ZBTB8A: variants seen among roughly 807,000 people sequenced by gnomAD.
ZBTB8A encodes the protein zinc finger and BTB domain-containing protein 8A.
Under a neutral mutation model 37.8 loss-of-function variants are expected in ZBTB8A, and 19 were observed. The ratio of observed to expected loss-of-function variants is 0.50; its 90% confidence interval spans 0.35 to 0.74. The LOEUF (loss-of-function observed/expected upper bound fraction) is 0.74, where lower values mean the gene tolerates loss of function less well. ZBTB8A is among the 30% of genes least tolerant of loss of function. ZBTB8A has a pLI of 0.01. For synonymous variants in ZBTB8A, 181 were observed against 185.2 expected, an observed-to-expected ratio of 0.98 and a Z score of 0.19; for missense variants, 394 against 537.8, an observed-to-expected ratio of 0.73 and a Z score of 2.65.
rs1644583275 is a variant in ZBTB8A, at chr1:32,602,356, C to G, written c.*1937C>G. On this transcript the variant is annotated 3_prime_UTR_variant, in exon 5 of 5. Transcript: ENST00000373510. Reference sequence around the variant, plus strand: ...AAAAAAAAAAAAAAAAAACTTCTCCCCTGCATAAATTATGAAACATTCCAA... The same window carrying G: ...AAAAAAAAAAAAAAAAAACTTCTCCGCTGCATAAATTATGAAACATTCCAA... 6.6e-6 allele frequency: 1 copy of G among 151,982 alleles called. No homozygotes were observed. The highest frequency in any genetic ancestry group is 2.1e-4 in the South Asian group (1 of 4,798). 9.4% of individuals were successfully genotyped at this position (151,982 alleles called of 1,614,324 possible). A position where few individuals can be genotyped will look rare whatever the true frequency, so the allele number is the denominator to read the frequency against.
At chr1:32,565,725 A>C (rs896948081) in intron 2 of ZBTB8A, among the ~76,000 whole-genome samples, 1 of 152,246 alleles carries the variant, frequency 6.6e-6, no homozygotes, top group East Asian at 1.9e-4. Flanking sequence ...CTTTAGTCCT[A>C]TATTTTGGTC....
At chr1:32,594,841 C>T (rs1644517360) in intron 3 of ZBTB8A, among the ~76,000 whole-genome samples, 1 of 151,892 alleles carries the variant, frequency 6.6e-6, no homozygotes, top group Admixed American at 6.6e-5. Context: ...GTTAAAGTTC[C>T]ATACTTAGGA....
intron 1 of ZBTB8A, among the ~76,000 whole-genome samples, chr1:32,549,777 C>T (rs1373269822): frequency 2.0e-5 from 3 of 152,188 alleles, no homozygotes; most frequent in Admixed American, 2.0e-4. Context: ...TACCCCTGAA[C>T]TTCCCCTGAA....
At chr1:32,555,206 G>A (rs1054756774) in intron 2 of ZBTB8A, among the ~76,000 whole-genome samples, 4 of 152,052 alleles carry the variant, frequency 2.6e-5, no homozygotes, top group Non-Finnish European at 4.4e-5. Flanking sequence ...TGGCTAACAC[G>A]GTGAAAACCT....
At chr1:32,553,817 T>C (rs1472752498) in intron 2 of ZBTB8A, among the ~76,000 whole-genome samples, 1 of 133,064 alleles carries the variant, frequency 7.5e-6, no homozygotes, top group African/African-American at 2.9e-5. Context: ...ACCCGGGAGG[T>C]GGAGGTTGCG....
At chr1:32,585,463 T>C (rs1470843470) in intron 2 of ZBTB8A, among the ~76,000 whole-genome samples, 2 of 152,038 alleles carry the variant, frequency 1.3e-5, no homozygotes, top group Admixed American at 1.3e-4. Context: ...ACTATAGCAA[T>C]AAAATCCATG....
rs140848674 is a variant in ZBTB8A, at chr1:32,576,662, C to G, written c.-1-16269C>G. ...CAGGCTGGTCTCAAACTCCTGACCT[C>G]AGGTGATCTGCCTGCCTCGGCCTCC... is the stretch of plus-strand genomic sequence containing the variant. On this transcript the variant is annotated intron_variant, in intron 2 of 4. Transcript: ENST00000373510. Among the ~76,000 whole-genome samples the G allele has an allele frequency of 2.2e-3, 334 of 152,186 alleles. 1 individual carries two copies. Among genetic ancestry groups the G allele is most frequent in the African/African-American group, 7.7e-3 (318 of 41,554 alleles).
rs143147129 is a variant in ZBTB8A at position 32,595,121 on chromosome 1, A to G, written c.891A>G (p.Leu297=). ...CTHVVKRKAD[L]KRHLRCHTGE... ...ATGTGGTGAAGCGGAAGGCAGACCT[A>G]AAGCGCCACCTTCGTTGTCATACAG... The change falls in exon 4 of 5, where the codon CTA becomes CTG. Residue 297 remains leucine (L), a synonymous_variant. Transcript: ENST00000373510. The G allele has an allele frequency of 3.3e-4, 538 of 1,614,194 alleles. 2 individuals are homozygous for G. In the African/African-American group the frequency reaches 4.2e-3, roughly 13 times the overall value.
chr1:32,595,087 A>G lies in ZBTB8A; in HGVS notation c.857A>G (p.Tyr286Cys). 4 of 1,614,220 alleles carry G rather than the reference A, an allele frequency of 2.5e-6. No individual in the cohort carries two copies. Among genetic ancestry groups the G allele is most frequent in the Non-Finnish European group, 3.4e-6 (4 of 1,180,036 alleles). Reference sequence around the variant, plus strand: ...CCTCGGATGCGATTCAAGTGCCCGTACTGCACACATGTGGTGAAGCGGAAG... The same window carrying G: ...CCTCGGATGCGATTCAAGTGCCCGTGCTGCACACATGTGGTGAAGCGGAAG... ...DLPRMRFKCP[Y>C]CTHVVKRKAD... is the part of the protein sequence containing the mutation. Residue 286 changes from tyrosine to cysteine, a missense_variant, in exon 4 of 5, where the codon TAC (tyrosine) becomes TGC (cysteine). Around this residue, in one of 4 missense-constraint regions of ZBTB8A, gnomAD observed 171 missense variants for 186.8 expected, o/e 0.92. Coordinates refer to ENST00000373510, the MANE Select transcript of ZBTB8A (RefSeq NM_001040441.3).
chr1:32,550,967 A>AG (rs1313666570), intron 1 of ZBTB8A, among the ~76,000 whole-genome samples: 1 of 151,912 alleles, frequency 6.6e-6, no homozygotes, highest in East Asian at 1.9e-4. Flanking sequence ...CAAAAAAAAA[A>AG]AAAAAAAGCC....
chr1:32,555,610 A>T (rs903407981), intron 2 of ZBTB8A, among the ~76,000 whole-genome samples: 2 of 152,064 alleles, frequency 1.3e-5, no homozygotes, highest in African/African-American at 4.8e-5. Context: ...CTGCCGCACA[A>T]TCATGGGCAA....
chr1:32,580,411 A>G (rs542438447), intron 2 of ZBTB8A, among the ~76,000 whole-genome samples: 2 of 152,188 alleles, frequency 1.3e-5, no homozygotes, highest in African/African-American at 4.8e-5. Context: ...TTAGCCAGGC[A>G]TGGTGGCACA....
chr1:32,567,447 T>A (rs1166473578), intron 2 of ZBTB8A, among the ~76,000 whole-genome samples: 2 of 152,130 alleles, frequency 1.3e-5, no homozygotes, highest in African/African-American at 4.8e-5. Context: ...AATTTTATCA[T>A]AAACTGGCTC....
At chr1:32,598,627 A>G (rs1644551196) in intron 4 of ZBTB8A, among the ~76,000 whole-genome samples, 1 of 152,100 alleles carries the variant, frequency 6.6e-6, no homozygotes, top group African/African-American at 2.4e-5. Flanking sequence ...ATTCAACATT[A>G]TACAATTAAT....
At chr1:32,587,622 T>G (rs891334642) in intron 2 of ZBTB8A, among the ~76,000 whole-genome samples, 1 of 152,038 alleles carries the variant, frequency 6.6e-6, no homozygotes, top group Non-Finnish European at 1.5e-5. Context: ...CTCTATTTAT[T>G]TAAAATAAAT....
intron 2 of ZBTB8A, among the ~76,000 whole-genome samples, chr1:32,584,968 A>G (rs1178202025): frequency 6.6e-6 from 1 of 151,800 alleles, no homozygotes; most frequent in African/African-American, 2.4e-5. Flanking sequence ...ATGGGACTAC[A>G]TGAAATAAAA....
At chr1:32,594,999 G>T in intron 3 of ZBTB8A, 55 bp from the exon 4 acceptor site, 1 of 1,427,552 alleles carries the variant, frequency 7.0e-7, no homozygotes, top group Non-Finnish European at 9.4e-7. Context: ...GATTCTTTCT[G>T]TTATTAGAAT....
At chr1:32,580,503 A>G (rs1208669699) in intron 2 of ZBTB8A, among the ~76,000 whole-genome samples, 1 of 151,942 alleles carries the variant, frequency 6.6e-6, no homozygotes, top group African/African-American at 2.4e-5. Context: ...GTGAACCAAG[A>G]TCGCACAACT....
intron 1 of ZBTB8A, among the ~76,000 whole-genome samples, chr1:32,546,983 C>G (rs551582595): frequency 6.6e-6 from 1 of 151,878 alleles, no homozygotes; most frequent in South Asian, 2.1e-4. Context: ...CTCACTGCAG[C>G]CTCAGCCTCT....
Sources: gnomAD v4.1 joint callset for allele counts (sites outside exome capture counted in the v4.1 genomes callset) on GRCh38, gnomAD v4.1.1 for gene constraint, gnomAD v4.1.1 regional missense constraint, MANE v1.5 for transcripts, NCBI Gene and HGNC (gene_info 2026-07-23, HGNC 2026-07-21) for gene names.